FN3K: variants seen among roughly 807,000 people sequenced by gnomAD.
The protein encoded by FN3K is fructosamine-3-kinase.
Under a neutral mutation model 24.8 loss-of-function variants are expected in FN3K, and 24 were observed. That is an observed-to-expected ratio of 0.97 (90% CI 0.70 to 1.36). The LOEUF (loss-of-function observed/expected upper bound fraction) is 1.36. FN3K is among the 40% of genes most tolerant of loss of function. The pLI is 0.00. For synonymous variants in FN3K, 192 were observed against 175.2 expected (o/e 1.10, Z -0.76); for missense variants, 449 against 416.7 (o/e 1.08, Z -0.67).
intron 1 of FN3K, among the ~76,000 whole-genome samples, chr17:82,737,523 C>G (rs143767847): frequency 6.6e-6 from 1 of 152,126 alleles, no homozygotes; most frequent in African/African-American, 2.4e-5. Context: ...GAGGTTTCAC[C>G]GTGTTAGCCA....
intron 1 of FN3K, 21 bp downstream of exon 1, chr17:82,735,798 G>T: frequency 6.4e-7 from 1 of 1,550,750 alleles, no homozygotes; most frequent in Non-Finnish European, 8.7e-7. Flanking sequence ...GTGCGCAGGC[G>T]GGGGCTCTGC....
chr17:82,743,004 G>A (rs1896137452), intron 4 of FN3K, among the ~76,000 whole-genome samples: 1 of 152,068 alleles, frequency 6.6e-6, no homozygotes, highest in East Asian at 1.9e-4. Context: ...ATCTGGGCTC[G>A]CTAGAACTGC....
chr17:82,748,265 A>T (rs1190464322), intron 4 of FN3K, among the ~76,000 whole-genome samples: 1 of 151,254 alleles, frequency 6.6e-6, no homozygotes, highest in African/African-American at 2.4e-5. Context: ...CTCCTACGTC[A>T]GCCTCCCAAG....
intron 5 of FN3K, 31 bp downstream of exon 5, chr17:82,749,008 A>G: frequency 6.2e-7 from 1 of 1,613,854 alleles, no homozygotes; most frequent in South Asian, 1.1e-5. Flanking sequence ...TCTGGGAAAG[A>G]GCTGGTCCTC....
At chr17:82,740,601 A>G (rs2046935885) in intron 2 of FN3K, among the ~76,000 whole-genome samples, 162 bp from the exon 3 acceptor site, 8 of 152,184 alleles carry the variant, frequency 5.3e-5, no homozygotes, top group Admixed American at 5.2e-4. Flanking sequence ...CAGAAAAGAA[A>G]GAAAAAGCAA....
chr17:82,735,758 A>G lies in FN3K; in HGVS notation c.122A>G (p.Lys41Arg), dbSNP rs1467499277. ...ACGGACGCAGGCCCAGTGTTCGTCA[A>G]AGTCAACCGCAGGACGCAGGTGCTG... The part of the protein sequence containing the change: ...YDTDAGPVFV[K>R]VNRRTQARQM... Residue 41 changes from lysine (K) to arginine (R), a missense_variant, in exon 1 of 6, where the codon AAA (lysine) becomes AGA (arginine). By Grantham distance (26) the Lys-to-Arg change is conservative. Transcript: ENST00000300784. 1 of 1,564,320 alleles carries G rather than the reference A, an allele frequency of 6.4e-7. No homozygotes were observed. The highest frequency in any genetic ancestry group is 8.6e-7 in the Non-Finnish European group (1 of 1,156,440).
rs532087945 is a variant in FN3K, at chr17:82,748,929, G to A, written c.543G>A (p.Glu181=). 1.0e-4 allele frequency: 164 copies of A among 1,614,194 alleles called. 3 individuals are homozygous for A. In the South Asian group the frequency reaches 1.7e-3, roughly 17 times the overall value. The change falls in exon 5 of 6, where the codon GAG becomes GAA. Residue 181 remains glutamate, a synonymous_variant. Transcript: ENST00000300784. ...HRLQAQLDLI[E]KDYADREARE... ...TCCAGGCGCAGCTGGACCTCATTGA[G>A]AAGGACTATGCTGACCGAGAGGCAC...
intron 4 of FN3K, among the ~76,000 whole-genome samples, chr17:82,743,400 C>T (rs773715470): frequency 2.1e-4 from 32 of 152,212 alleles, no homozygotes; most frequent in Admixed American, 9.2e-4. Context: ...AAGGGTGAGG[C>T]GCCAGGGAGG....
chr17:82,750,359 A>C, intron 5 of FN3K, 58 bp from the exon 6 acceptor site: 1 of 1,454,730 alleles, frequency 6.9e-7, no homozygotes, highest in East Asian at 2.3e-5. Flanking sequence ...TCCAAGAACG[A>C]GGTGATGAGA....
chr17:82,738,342 CTG>C, intron 1 of FN3K, 145 bp from the exon 2 acceptor site: 2 of 1,087,406 alleles, frequency 1.8e-6, no homozygotes, highest in Non-Finnish European at 1.3e-6. Context: ...ACCCTGCCCT[CTG>C]TGGTGGACGC....
At position 82,750,758 on chromosome 17, in the gene FN3K, G is replaced by GCCCCTGCCCTCCCTT; in HGVS notation, c.*10_*24dup. 1 of 1,609,618 alleles carries GCCCCTGCCCTCCCTT rather than the reference G, an allele frequency of 6.2e-7. No individual in the cohort carries two copies. Among genetic ancestry groups the GCCCCTGCCCTCCCTT allele is most frequent in the Non-Finnish European group, 8.5e-7 (1 of 1,178,918 alleles). On this transcript the variant is annotated 3_prime_UTR_variant, in exon 6 of 6. Transcript: ENST00000300784. ...CCATGCGAAGGCTGCTCAAGTAGCG[G>GCCCCTGCCCTCCCTT]CCCCTGCCCTCCCTTCCCCTGTCCC...
intron 4 of FN3K, 81 bp downstream of exon 4, chr17:82,741,474 C>T (rs1268364807): frequency 8.1e-7 from 1 of 1,232,072 alleles, no homozygotes; most frequent in East Asian, 2.5e-5. Context: ...GCTAATCTCC[C>T]AAGCACCAGC....
intron 1 of FN3K, 114 bp downstream of exon 1, chr17:82,735,891 G>C: frequency 7.0e-7 from 1 of 1,419,598 alleles, no homozygotes; most frequent in Non-Finnish European, 9.5e-7. Context: ...GGTCAGCTTT[G>C]GCCCTTGGGA....
At chr17:82,748,211 C>A (rs1157604734) in intron 4 of FN3K, among the ~76,000 whole-genome samples, 1 of 150,962 alleles carries the variant, frequency 6.6e-6, no homozygotes, top group African/African-American at 2.4e-5. Flanking sequence ...TGCAATGGCG[C>A]GATCTCGGCT....
intron 1 of FN3K, 101 bp downstream of exon 1, chr17:82,735,878 A>G: frequency 6.8e-7 from 1 of 1,468,264 alleles, no homozygotes; most frequent in Non-Finnish European, 9.2e-7. Flanking sequence ...GGGCCTGGGG[A>G]GGGGTCAGCT....
At chr17:82,746,093 CAA>C (rs373867732) in intron 4 of FN3K, among the ~76,000 whole-genome samples, 11 of 117,776 alleles carry the variant, frequency 9.3e-5, no homozygotes, top group Non-Finnish European at 1.2e-4. Flanking sequence ...GACTCCGTCT[CAA>C]AAAAAAAAAA....
intron 4 of FN3K, among the ~76,000 whole-genome samples, chr17:82,741,933 A>AT (rs1037769893): frequency 6.6e-6 from 1 of 152,222 alleles, no homozygotes; most frequent in African/African-American, 2.4e-5. Context: ...TTGAGACGGC[A>AT]TTTTGCCCTT....
At chr17:82,748,502 CTT>C (rs35166088) in intron 4 of FN3K, among the ~76,000 whole-genome samples, 1,726 of 146,882 alleles carry the variant, frequency 0.012, 26 homozygotes, top group African/African-American at 0.036. Context: ...TCCTTTCAAG[CTT>C]TTTTTTTTTT....
chr17:82,741,561 A>C, intron 4 of FN3K, 168 bp downstream of exon 4: 1 of 648,498 alleles, frequency 1.5e-6, no homozygotes, highest in Non-Finnish European at 2.7e-6. Context: ...GCTGAGGGTC[A>C]CTGAGCTGAG....
Sources: gnomAD v4.1 joint callset for allele counts (sites outside exome capture counted in the v4.1 genomes callset) on GRCh38, gnomAD v4.1.1 for gene constraint, MANE v1.5 for transcripts, NCBI Gene and HGNC (gene_info 2026-07-23, HGNC 2026-07-21) for gene names.